The following UBE2D2 variants were observed in gnomAD, a reference collection of about 807,000 sequenced individuals.
UBE2D2 encodes the protein ubiquitin-conjugating enzyme E2 D2.
Under a neutral mutation model 24.2 loss-of-function variants are expected in UBE2D2, and 2 were observed. The ratio of observed to expected loss-of-function variants is 0.08; its 90% CI spans 0.03 to 0.26. UBE2D2 has a LOEUF of 0.26. Among genes scored for constraint, UBE2D2 ranks in the 10% least tolerant of loss-of-function variants. UBE2D2 has a pLI of 1.00. For missense variants in UBE2D2, 44 were observed against 177.6 expected (o/e 0.25, Z 4.28); for synonymous variants, 58 against 56.5 (o/e 1.03, Z -0.12).
intron 1 of UBE2D2, among the ~76,000 whole-genome samples, chr5:139,548,339 G>C (rs1752866066): frequency 6.6e-6 from 1 of 151,960 alleles, no homozygotes; most frequent in South Asian, 2.1e-4. Context: ...GGAAGGTTGG[G>C]GGACTGTCTG....
At chr5:139,571,774 C>A (rs1222665836) in intron 1 of UBE2D2, among the ~76,000 whole-genome samples, 1 of 151,328 alleles carries the variant, frequency 6.6e-6, no homozygotes, top group Non-Finnish European at 1.5e-5. Flanking sequence ...TCCCTCCCTC[C>A]CTCACTTCCT....
chr5:139,606,224 C>T (rs1162496821), intron 2 of UBE2D2, among the ~76,000 whole-genome samples: 1 of 152,058 alleles, frequency 6.6e-6, no homozygotes, highest in Non-Finnish European at 1.5e-5. Context: ...TGCAGTGGCG[C>T]AATCTCGGCT....
At chr5:139,593,178 TAG>T (rs1753882183) in intron 1 of UBE2D2, among the ~76,000 whole-genome samples, 1 of 151,582 alleles carries the variant, frequency 6.6e-6, no homozygotes, top group African/African-American at 2.4e-5. Context: ...ATATTTTTAG[TAG>T]AGACAGGGTT....
chr5:139,610,907 T>C (rs904216789), intron 2 of UBE2D2, among the ~76,000 whole-genome samples: 5 of 152,080 alleles, frequency 3.3e-5, no homozygotes, highest in African/African-American at 1.2e-4. Context: ...TCAGCAGTCA[T>C]GGCAGGACAA....
intron 1 of UBE2D2, among the ~76,000 whole-genome samples, chr5:139,567,101 C>CTTGT (rs373736653): frequency 6.6e-6 from 1 of 151,852 alleles, no homozygotes; most frequent in Admixed American, 6.6e-5. Context: ...ATTAAGTTTT[C>CTTGT]TTGTTTGTTT....
intron 1 of UBE2D2, among the ~76,000 whole-genome samples, chr5:139,546,696 G>A (rs2126635463): frequency 6.7e-6 from 1 of 149,966 alleles, no homozygotes; most frequent in African/African-American, 2.4e-5. Flanking sequence ...ATGTTTGCCA[G>A]ACTGGTCTCG....
chr5:139,582,666 A>ATTTTT (rs1195507116), intron 1 of UBE2D2, among the ~76,000 whole-genome samples: 1 of 112,324 alleles, frequency 8.9e-6, no homozygotes, highest in East Asian at 2.3e-4. Context: ...TTAGATTCGA[A>ATTTTT]TTTTTTTTTT....
At chr5:139,600,282 A>T (rs1213423922) in intron 1 of UBE2D2, 90 bp from the exon 2 acceptor site, 13 of 1,356,382 alleles carry the variant, frequency 9.6e-6, no homozygotes, top group Non-Finnish European at 1.3e-5. Flanking sequence ...CACCAGCAGG[A>T]CAGAGAATAT....
intron 1 of UBE2D2, among the ~76,000 whole-genome samples, chr5:139,577,996 G>A (rs1282731223): frequency 2.6e-5 from 4 of 152,170 alleles, no homozygotes; most frequent in Admixed American, 6.6e-5. Flanking sequence ...CCTTTTCCTC[G>A]CATTTCAGTG....
chr5:139,606,198 G>C (rs1330122452), intron 2 of UBE2D2, among the ~76,000 whole-genome samples: 3 of 152,008 alleles, frequency 2.0e-5, no homozygotes, highest in Non-Finnish European at 4.4e-5. Context: ...GTCTCACTCT[G>C]TTGCCCGGGC....
chr5:139,554,280 C>T (rs1299794092), intron 1 of UBE2D2, among the ~76,000 whole-genome samples: 1 of 151,942 alleles, frequency 6.6e-6, no homozygotes. Context: ...GTGATCCTCC[C>T]ACCTCAGCCT....
chr5:139,591,512 T>C (rs1168735628), intron 1 of UBE2D2, among the ~76,000 whole-genome samples: 1 of 152,168 alleles, frequency 6.6e-6, no homozygotes, highest in African/African-American at 2.4e-5. Flanking sequence ...TGTCTGCTTA[T>C]AGTTAGTTCA....
chr5:139,531,805 TACAAAA>T lies in UBE2D2; in HGVS notation c.-64+5219_-64+5224del, dbSNP rs567156194. ...TGTGGGACCTTGTCTCTACAAAAAATACAAAAACAAAAACAAAAACAAAAACAAAAA... is the reference window on the plus strand; with the variant it reads ...TGTGGGACCTTGTCTCTACAAAAAATACAAAAACAAAAACAAAAACAAAAA... On this transcript the variant is annotated intron_variant, in intron 1 of 6. Transcript: ENST00000511725. 6.9e-4 allele frequency among the ~76,000 whole-genome samples: 104 copies of T among 151,578 alleles called. 1 individual carries two copies. The highest frequency in any genetic ancestry group is 6.4e-3 in the East Asian group (33 of 5,158).
At position 139,615,003 on chromosome 5, in the gene UBE2D2, G is replaced by A. The variant is rs377052164; in HGVS notation, c.304+37G>A. On this transcript the variant is annotated intron_variant, in intron 5 of 6. Coordinates refer to ENST00000398733, the MANE Select transcript of UBE2D2 (RefSeq NM_003339.3). The stretch of plus-strand genomic sequence containing the variant: ...TATTTGATATCAAGATAAAGCAACC[G>A]TGTCTTTTGTCTTTTTAGAGTTATT... 9.4e-5 allele frequency: 144 copies of A among 1,533,960 alleles called. 1 individual carries two copies. The highest frequency in any genetic ancestry group is 8.6e-4 in the Middle Eastern group (5 of 5,816).
In UBE2D2 at chr5:139,561,684, C is replaced by T. The variant is rs908394499; in HGVS notation, c.-108C>T. On this transcript the variant is annotated 5_prime_UTR_variant, in exon 1 of 7. Coordinates refer to ENST00000398733, the MANE Select transcript of UBE2D2 (RefSeq NM_003339.3). ...CCCGCTTTCCTCAACTCTCCATCTT[C>T]TCCTGCCGACCGAGATCGCCGAGGC... 8.1e-6 allele frequency: 7 copies of T among 862,240 alleles called. No homozygotes were observed. The highest frequency in any genetic ancestry group is 3.3e-5 in the East Asian group (1 of 30,228). The allele number at this position is 862,240 out of a possible 1,614,324, so 53.4% of individuals were successfully genotyped here.
intron 2 of UBE2D2, among the ~76,000 whole-genome samples, chr5:139,601,909 CAAA>C (rs887066675): frequency 5.3e-5 from 4 of 75,616 alleles, no homozygotes; most frequent in African/African-American, 1.6e-4. Context: ...GACTTACTCT[CAAA>C]AAAAAAAAAA....
At chr5:139,574,748 AAAAAAG>A (rs986869692) in intron 1 of UBE2D2, among the ~76,000 whole-genome samples, 10 of 151,248 alleles carry the variant, frequency 6.6e-5, no homozygotes, top group African/African-American at 1.5e-4. Flanking sequence ...AAAAAAAAAA[AAAAAAG>A]AAAAGAAAAG....
At chr5:139,547,699 T>TA (rs1388098612) in intron 1 of UBE2D2, among the ~76,000 whole-genome samples, 1 of 151,316 alleles carries the variant, frequency 6.6e-6, no homozygotes, top group Non-Finnish European at 1.5e-5. Flanking sequence ...TTTATTTATT[T>TA]TTTTATTTTT....
chr5:139,609,297 C>T (rs995187094), intron 2 of UBE2D2, among the ~76,000 whole-genome samples: 18 of 151,972 alleles, frequency 1.2e-4, no homozygotes, highest in Non-Finnish European at 1.9e-4. Flanking sequence ...AATCCCAGCA[C>T]TTTGGGAGGC....
Sources: gnomAD v4.1 joint callset for allele counts (sites outside exome capture counted in the v4.1 genomes callset) on GRCh38, gnomAD v4.1.1 for gene constraint, MANE v1.5 for transcripts, NCBI Gene and HGNC (gene_info 2026-07-23, HGNC 2026-07-21) for gene names.